The following CTNNA3 variants were observed in gnomAD, a reference collection of about 807,000 sequenced individuals.
CTNNA3 encodes catenin alpha 3.
Under a neutral mutation model 95.7 loss-of-function variants are expected in CTNNA3, and 76 were observed. The ratio of observed to expected loss-of-function variants is 0.79; its 90% CI spans 0.66 to 0.96. The LOEUF is 0.96. Among genes scored for constraint, CTNNA3 ranks in the 40% least tolerant of loss-of-function variants. The pLI, the probability that CTNNA3 is intolerant of heterozygous loss-of-function variation, is 0.00. For synonymous variants in CTNNA3, 431 were observed against 374.4 expected (o/e 1.15, Z -1.74); for missense variants, 1,191 against 1,089.8 (o/e 1.09, Z -1.31).
At chr10:66,538,927 T>G (rs1016243320) in intron 10 of CTNNA3, among the ~76,000 whole-genome samples, 1 of 152,202 alleles carries the variant, frequency 6.6e-6, no homozygotes, top group African/African-American at 2.4e-5. Context: ...TATGATTTTC[T>G]AACTTATCAG....
intron 13 of CTNNA3, among the ~76,000 whole-genome samples, chr10:66,185,453 T>C (rs927772244): frequency 6.6e-6 from 1 of 152,062 alleles, no homozygotes; most frequent in African/African-American, 2.4e-5. Flanking sequence ...ATAAATGAAT[T>C]CATGAAAACA....
At chr10:66,711,511 A>T (rs552261771) in intron 9 of CTNNA3, among the ~76,000 whole-genome samples, 19 of 151,912 alleles carry the variant, frequency 1.3e-4, no homozygotes, top group Admixed American at 2.0e-4. Flanking sequence ...TACCCATTCA[A>T]CAACATAAGT....
At chr10:66,081,597 C>T (rs1341318183) in intron 14 of CTNNA3, among the ~76,000 whole-genome samples, 1 of 152,062 alleles carries the variant, frequency 6.6e-6, no homozygotes, top group Admixed American at 6.6e-5. Context: ...AATAAATATC[C>T]ATGAGTTCAT....
rs566292941 is a variant in CTNNA3, at chr10:66,524,366, C to G, written c.1375-3593G>C. On this transcript the variant is annotated intron_variant, in intron 10 of 17. Transcript: ENST00000433211. ...CATAAATGCTATACTTACAAACTGT[C>G]CCTAAGAGAAACTATTCTGCTCGCA... 4.6e-5 allele frequency among the ~76,000 whole-genome samples: 7 copies of G among 152,214 alleles called. No individual in the cohort carries two copies. In the South Asian group the frequency reaches 1.0e-3, roughly 23 times the overall value.
At chr10:67,427,516 C>A (rs1845964927) in intron 5 of CTNNA3, among the ~76,000 whole-genome samples, 1 of 151,972 alleles carries the variant, frequency 6.6e-6, no homozygotes, top group South Asian at 2.1e-4. Context: ...ACTCATATTA[C>A]TGCCGAGAAA....
At chr10:66,543,909 GTGTATATATA>G (rs1324279200) in intron 10 of CTNNA3, among the ~76,000 whole-genome samples, 13 of 9,706 alleles carry the variant, frequency 1.3e-3, no homozygotes, top group African/African-American at 3.3e-3. Context: ...ATGTGTGTGT[GTGTATATATA>G]TATATATATA....
At chr10:66,175,007 G>A (rs903853439) in intron 13 of CTNNA3, among the ~76,000 whole-genome samples, 1 of 152,054 alleles carries the variant, frequency 6.6e-6, no homozygotes, top group Non-Finnish European at 1.5e-5. Flanking sequence ...TAATCAATGT[G>A]TCATTGCCTC....
intron 7 of CTNNA3, among the ~76,000 whole-genome samples, chr10:66,819,804 T>C (rs910543271): frequency 6.6e-6 from 1 of 152,080 alleles, no homozygotes; most frequent in African/African-American, 2.4e-5. Context: ...CAACCACTAA[T>C]ATGACTATAA....
chr10:67,020,116 A>G (rs1181540704), intron 7 of CTNNA3, among the ~76,000 whole-genome samples: 2 of 152,212 alleles, frequency 1.3e-5, no homozygotes, highest in Non-Finnish European at 2.9e-5. Flanking sequence ...AATAAAAAAC[A>G]TGTTGTCAAA....
intron 7 of CTNNA3, among the ~76,000 whole-genome samples, chr10:67,125,372 C>T (rs552943349): frequency 8.9e-4 from 135 of 152,076 alleles, no homozygotes; most frequent in Admixed American, 3.1e-3. Flanking sequence ...CGGGAAAATA[C>T]GTTATTCCCC....
At chr10:66,344,743 C>T (rs573265802) in intron 12 of CTNNA3, among the ~76,000 whole-genome samples, 36 of 152,008 alleles carry the variant, frequency 2.4e-4, no homozygotes, top group African/African-American at 8.2e-4. Flanking sequence ...AGGAAACATC[C>T]TTCAGACGAA....
At chr10:66,886,831 T>C (rs1845063245) in intron 7 of CTNNA3, among the ~76,000 whole-genome samples, 1 of 152,194 alleles carries the variant, frequency 6.6e-6, no homozygotes, top group Non-Finnish European at 1.5e-5. Context: ...TTACTCAGTG[T>C]GAAGCAACAG....
intron 7 of CTNNA3, among the ~76,000 whole-genome samples, chr10:66,972,267 C>A (rs1342451277): frequency 6.6e-6 from 1 of 152,174 alleles, no homozygotes; most frequent in Non-Finnish European, 1.5e-5. Flanking sequence ...GAGTTCAACT[C>A]CTTTACCCAC....
At chr10:67,466,072 T>C (rs1373812821) in intron 5 of CTNNA3, among the ~76,000 whole-genome samples, 1 of 152,206 alleles carries the variant, frequency 6.6e-6, no homozygotes, top group African/African-American at 2.4e-5. Context: ...AAACTTATTT[T>C]GGAGTTAATT....
chr10:67,223,911 A>C (rs1428417204), intron 5 of CTNNA3, among the ~76,000 whole-genome samples: 1 of 152,184 alleles, frequency 6.6e-6, no homozygotes, highest in Admixed American at 6.5e-5. Context: ...GATTAAATAA[A>C]ATTTCTCAGA....
intron 5 of CTNNA3, among the ~76,000 whole-genome samples, chr10:67,470,803 C>G (rs550882691): frequency 6.6e-6 from 1 of 151,982 alleles, no homozygotes; most frequent in African/African-American, 2.4e-5. Flanking sequence ...TTCTTTGACA[C>G]AGAGTCTTGC....
At chr10:66,645,021 T>G (rs1041135386) in intron 9 of CTNNA3, among the ~76,000 whole-genome samples, 1 of 152,232 alleles carries the variant, frequency 6.6e-6, no homozygotes, top group East Asian at 1.9e-4. Context: ...TATGTAATCT[T>G]TTGGGATTTT....
intron 7 of CTNNA3, among the ~76,000 whole-genome samples, chr10:66,783,440 G>C (rs1342479839): frequency 6.6e-6 from 1 of 151,998 alleles, no homozygotes; most frequent in African/African-American, 2.4e-5. Context: ...TTTTTACTGA[G>C]TCACCATCAG....
chr10:67,581,963 G>A (rs1474524376), intron 3 of CTNNA3, among the ~76,000 whole-genome samples: 1 of 151,364 alleles, frequency 6.6e-6, no homozygotes, highest in Non-Finnish European at 1.5e-5. Flanking sequence ...TTCTTTATTT[G>A]TCTTGATAGC....
Sources: gnomAD v4.1 joint callset for allele counts (sites outside exome capture counted in the v4.1 genomes callset) on GRCh38, gnomAD v4.1.1 for gene constraint, MANE v1.5 for transcripts, NCBI Gene and HGNC (gene_info 2026-07-23, HGNC 2026-07-21) for gene names.